The following TBC1D2B variants were observed in gnomAD, a reference collection of about 807,000 sequenced individuals.
TBC1D2B encodes TBC1 domain family, member 2B.
Under a neutral mutation model 100.8 loss-of-function variants are expected in TBC1D2B, and 64 were observed. That is an observed-to-expected ratio of 0.64 (90% CI 0.52 to 0.78). TBC1D2B has a LOEUF of 0.78. TBC1D2B is among the 30% of genes least tolerant of loss of function. The pLI is 0.00. For synonymous variants in TBC1D2B, 480 were observed against 479.7 expected, an observed-to-expected ratio of 1.00 and a Z score of -0.01; for missense variants, 1,052 against 1,218.4, an observed-to-expected ratio of 0.86 and a Z score of 2.03.
intron 1 of TBC1D2B, among the ~76,000 whole-genome samples, chr15:78,075,148 C>T (rs2073808307): frequency 1.3e-5 from 2 of 152,140 alleles, no homozygotes; most frequent in African/African-American, 4.8e-5. Context: ...TAAAGCCACA[C>T]TTCTGACAAT....
intron 1 of TBC1D2B, among the ~76,000 whole-genome samples, chr15:78,056,323 A>T (rs1217579346): frequency 6.6e-6 from 1 of 152,182 alleles, no homozygotes; most frequent in African/African-American, 2.4e-5. Context: ...CCTGGCCCTG[A>T]AGGGACTTGT....
intron 4 of TBC1D2B, among the ~76,000 whole-genome samples, chr15:78,028,335 C>T (rs1276625897): frequency 6.6e-6 from 1 of 152,110 alleles, no homozygotes; most frequent in African/African-American, 2.4e-5. Context: ...ATTAGCCAGG[C>T]ATTGTGGTGG....
At chr15:78,025,532 T>C (rs2072641440) in intron 4 of TBC1D2B, 35 bp from the exon 5 acceptor site, 2 of 1,412,850 alleles carry the variant, frequency 1.4e-6, no homozygotes, top group Non-Finnish European at 1.9e-6. Flanking sequence ...TTATTATTAT[T>C]ATTATTATTT....
At chr15:78,049,818 T>A (rs1377968434) in intron 2 of TBC1D2B, among the ~76,000 whole-genome samples, 1 of 151,492 alleles carries the variant, frequency 6.6e-6, no homozygotes, top group Non-Finnish European at 1.5e-5. Flanking sequence ...CCTCCCACAG[T>A]CACATTCTTT....
chr15:78,007,581 C>A (rs181027389), intron 10 of TBC1D2B, among the ~76,000 whole-genome samples: 1 of 152,126 alleles, frequency 6.6e-6, no homozygotes, highest in Non-Finnish European at 1.5e-5. Flanking sequence ...GGCAGAAATG[C>A]GAATGCAAAG....
At chr15:78,003,025 A>C in intron 11 of TBC1D2B, 1 of 290,914 alleles carries the variant, frequency 3.4e-6, no homozygotes, top group East Asian at 5.7e-5. Flanking sequence ...TAACACCACC[A>C]GCCATTTGAC....
intron 10 of TBC1D2B, among the ~76,000 whole-genome samples, chr15:78,007,148 T>C (rs1452158727): frequency 1.3e-5 from 2 of 151,854 alleles, no homozygotes; most frequent in Admixed American, 6.6e-5. Context: ...TGTAGGAGAG[T>C]ACCCAGAGGA....
intron 9 of TBC1D2B, 118 bp downstream of exon 9, chr15:78,012,705 T>A (rs1416937786): frequency 8.5e-7 from 1 of 1,179,172 alleles, no homozygotes; most frequent in Non-Finnish European, 1.1e-6. Context: ...GCAACTACTT[T>A]TTTCTCTTAA....
chr15:77,998,887 T>C lies in TBC1D2B; in HGVS notation c.2697-532A>G, dbSNP rs1357080102. On this transcript the variant is annotated intron_variant, in intron 12 of 12. Transcript: ENST00000300584. ...CAGACCCAGTTGGCAATGTGACAAGTGTCCAGATGCAGTCTACAGAGAAAT... is the reference window on the plus strand; with the variant it reads ...CAGACCCAGTTGGCAATGTGACAAGCGTCCAGATGCAGTCTACAGAGAAAT... 1.7e-5 allele frequency: 3 copies of C among 171,864 alleles called. No individual in the cohort carries two copies. In the East Asian group the frequency reaches 5.0e-4, roughly 29 times the overall value. The allele number at this position is 171,864 out of a possible 1,614,324, so 10.6% of individuals were successfully genotyped here.
chr15:78,055,404 G>A (rs2073401685), intron 1 of TBC1D2B, among the ~76,000 whole-genome samples: 1 of 152,158 alleles, frequency 6.6e-6, no homozygotes, highest in South Asian at 2.1e-4. Context: ...AAGGTCTCCA[G>A]GCTGCCCCCA....
rs2141603601 is a variant in TBC1D2B, at chr15:77,997,626, G to A, written c.*534C>T. On this transcript the variant is annotated 3_prime_UTR_variant, in exon 13 of 13. Coordinates refer to ENST00000300584, the MANE Select transcript of TBC1D2B (RefSeq NM_144572.2). ...GGAGGTTCACAGGCTTTCCTACAGTGGCCATTTCTGAACAAGGGATGTGCC... is the reference window on the plus strand; with the variant it reads ...GGAGGTTCACAGGCTTTCCTACAGTAGCCATTTCTGAACAAGGGATGTGCC... The A allele has an allele frequency of 6.6e-6, 1 of 152,442 alleles. No individual in the cohort carries two copies. Among genetic ancestry groups the A allele is most frequent in the East Asian group, 1.9e-4 (1 of 5,188 alleles). 9.4% of individuals were successfully genotyped at this position (152,442 alleles called of 1,614,324 possible). A position where few individuals can be genotyped will look rare whatever the true frequency, so the allele number is the denominator to read the frequency against.
chr15:78,013,071 C>T lies in TBC1D2B; in HGVS notation c.2022G>A (p.Trp674Ter), dbSNP rs763804734. The change falls in exon 9 of 13, where the codon TGG becomes TGA. Residue 674 changes from tryptophan to a stop codon, truncating the protein, a stop_gained. Coordinates refer to ENST00000300584, the MANE Select transcript of TBC1D2B (RefSeq NM_144572.2). LOFTEE classifies it high-confidence loss of function. ...PHEHRSKVWKWCVDRHTRKFK... is the reference protein window; with the variant it reads ...PHEHRSKVWK Reference sequence around the variant, plus strand: ...ACTTCCTGGTGTGACGGTCCACACACCACTTCCACACCTTGGAACGGTGCT... The same window carrying T: ...ACTTCCTGGTGTGACGGTCCACACATCACTTCCACACCTTGGAACGGTGCT... 1 of 1,614,028 alleles carries T rather than the reference C, an allele frequency of 6.2e-7. No homozygotes were observed. Among genetic ancestry groups the T allele is most frequent in the Non-Finnish European group, 8.5e-7 (1 of 1,179,894 alleles).
chr15:78,070,261 G>A (rs530482127), intron 1 of TBC1D2B, among the ~76,000 whole-genome samples: 8 of 100,100 alleles, frequency 8.0e-5, no homozygotes, highest in Non-Finnish European at 1.4e-4. Context: ...CCCCACCCCC[G>A]CTCCAGTCAA....
chr15:78,002,065 T>A, intron 11 of TBC1D2B: 1 of 168,622 alleles, frequency 5.9e-6, no homozygotes, highest in East Asian at 1.6e-4. Context: ...TAAGGAATCA[T>A]TTTAAAATAA....
At chr15:78,073,648 A>G (rs1164942254) in intron 1 of TBC1D2B, among the ~76,000 whole-genome samples, 1 of 152,220 alleles carries the variant, frequency 6.6e-6, no homozygotes, top group African/African-American at 2.4e-5. Flanking sequence ...CTCAAAAGAA[A>G]TAACTGTACA....
intron 1 of TBC1D2B, among the ~76,000 whole-genome samples, chr15:78,074,249 C>T (rs886630824): frequency 2.0e-5 from 3 of 152,018 alleles, no homozygotes; most frequent in Admixed American, 2.0e-4. Context: ...TCTCGAACTC[C>T]TGACCTCAAG....
At chr15:78,020,492 G>A (rs886740522) in intron 6 of TBC1D2B, among the ~76,000 whole-genome samples, 7 of 152,136 alleles carry the variant, frequency 4.6e-5, no homozygotes, top group Non-Finnish European at 1.0e-4. Context: ...TGTGAGGGAG[G>A]GCTTTACATG....
At chr15:78,040,501 A>T (rs2073048693) in intron 3 of TBC1D2B, among the ~76,000 whole-genome samples, 1 of 151,702 alleles carries the variant, frequency 6.6e-6, no homozygotes, top group African/African-American at 2.4e-5. Flanking sequence ...GTAAGCCAAG[A>T]TCATGCCACT....
At chr15:78,056,476 A>C (rs1443290004) in intron 1 of TBC1D2B, among the ~76,000 whole-genome samples, 1 of 152,260 alleles carries the variant, frequency 6.6e-6, no homozygotes, top group Non-Finnish European at 1.5e-5. Context: ...AGAGGCCGTG[A>C]GCCCACTTGG....
Sources: allele counts gnomAD v4.1 joint callset (sites outside exome capture counted in the v4.1 genomes callset), GRCh38; gene constraint gnomAD v4.1.1; transcripts MANE v1.5; gene names NCBI Gene and HGNC (gene_info 2026-07-23, HGNC 2026-07-21).